Variants in GPC4 observed in about 807,000 individuals in gnomAD.
The protein encoded by GPC4 is glypican-4.
A neutral mutation model predicts 35.0 loss-of-function variants in GPC4; 10 were observed. That is an observed-to-expected ratio of 0.29 (90% CI 0.18 to 0.48). The LOEUF (loss-of-function observed/expected upper bound fraction) is 0.48. Ranked by LOEUF, GPC4 falls within the 20% of genes least tolerant of loss-of-function variation. The pLI is 0.99. For missense variants in GPC4, 322 were observed against 451.3 expected, an observed-to-expected ratio of 0.71 and a Z score of 2.60; for synonymous variants, 167 against 170.2, an observed-to-expected ratio of 0.98 and a Z score of 0.15.
chrX:133,317,960 ATGT>A (rs781198279), intron 3 of GPC4, among the ~76,000 whole-genome samples: 3 of 112,392 alleles, frequency 2.7e-5, no homozygotes, highest in Non-Finnish European at 5.6e-5. Context: ...ATTTCTGGAG[ATGT>A]TGTAGATAAA....
chrX:133,361,298 G>A (rs1194424527), intron 1 of GPC4, among the ~76,000 whole-genome samples: 1 of 112,153 alleles, frequency 8.9e-6, no homozygotes, highest in Non-Finnish European at 1.9e-5. Context: ...TACGCTACCA[G>A]AAAACTGACC....
Position 133,403,711 on chromosome X carries a change from T to G in GPC4, c.160+11095A>C, listed in dbSNP as rs59380950. The stretch of plus-strand genomic sequence containing the variant: ...GGGCACATAGAGCTGCCTTTTTTTT[T>G]TTTTGACAGAGTCTCACTCTGTCGC... On this transcript the variant is annotated intron_variant, in intron 1 of 8. Transcript: ENST00000370828. 9.4e-3 allele frequency among the ~76,000 whole-genome samples: 1,023 copies of G among 109,245 alleles called. 17 individuals are homozygous for G. The highest frequency in any genetic ancestry group is 0.032 in the African/African-American group (974 of 29,970). The allele number at this position is 109,245 out of a possible 115,157, so 94.9% of individuals were successfully genotyped here.
In GPC4 at chrX:133,414,973, G is replaced by A; in HGVS notation, c.-8C>T. ...CAAGCCGAACCGTGCCATGGTGCGG[G>A]CCGGGGCGGACGCGTTCCCACCTTT... is the stretch of plus-strand genomic sequence containing the variant. On this transcript the variant is annotated 5_prime_UTR_variant, in exon 1 of 9. Transcript: ENST00000370828. 2 of 1,205,959 alleles carry A rather than the reference G, an allele frequency of 1.7e-6. No individual in the cohort carries two copies. Among genetic ancestry groups the A allele is most frequent in the Middle Eastern group, 2.5e-4 (1 of 4,055 alleles).
At chrX:133,313,536 A>T (rs886466295) in intron 3 of GPC4, among the ~76,000 whole-genome samples, 2 of 111,899 alleles carry the variant, frequency 1.8e-5, no homozygotes, top group East Asian at 5.7e-4. Flanking sequence ...TTAAAGTCAC[A>T]GATTGTTAAG....
chrX:133,339,427 C>T, intron 1 of GPC4, 86 bp from the exon 2 acceptor site: 1 of 879,519 alleles, frequency 1.1e-6, no homozygotes, highest in Non-Finnish European at 1.6e-6. Context: ...TCATTTCAAC[C>T]TGTGAGGCTC....
chrX:133,379,399 C>T (rs1328998792), intron 1 of GPC4, among the ~76,000 whole-genome samples: 1 of 111,776 alleles, frequency 8.9e-6, no homozygotes, highest in Non-Finnish European at 1.9e-5. Context: ...TTAGTGGTTG[C>T]CAGGGGCTGG....
chrX:133,389,148 A>G (rs2068707721), intron 1 of GPC4, among the ~76,000 whole-genome samples: 1 of 108,780 alleles, frequency 9.2e-6, no homozygotes. Flanking sequence ...CAGTAGAGAC[A>G]GGGTTTCATG....
chrX:133,305,784 A>G lies in GPC4; in HGVS notation c.1143T>C (p.Ser381=). ...CCAAAACGCTCACCAGTCGGTCCAA[A>G]CTAGTGCCAGCTGCTGTGGTTGGGC... ...EERPTTAAGT[S]LDRLVTDVKE... Residue 381 remains serine (S), a synonymous_variant, in exon 6 of 9, where the codon AGT becomes AGC. Transcript: ENST00000370828. The G allele has an allele frequency of 8.3e-7, 1 of 1,211,636 alleles. No individual in the cohort carries two copies. Among genetic ancestry groups the G allele is most frequent in the Non-Finnish European group, 1.1e-6 (1 of 895,515 alleles).
At chrX:133,318,402 G>A (rs1436714450) in intron 3 of GPC4, among the ~76,000 whole-genome samples, 1 of 112,092 alleles carries the variant, frequency 8.9e-6, no homozygotes, top group African/African-American at 3.2e-5. Flanking sequence ...ACACGGGGAA[G>A]GCACAACTGC....
intron 1 of GPC4, among the ~76,000 whole-genome samples, chrX:133,411,320 C>T (rs2068812107): frequency 8.9e-6 from 1 of 112,227 alleles, no homozygotes; most frequent in Admixed American, 9.5e-5. Context: ...ATGCTTCTAA[C>T]CCACTGCCTC....
chrX:133,393,554 A>C (rs2068729729), intron 1 of GPC4, among the ~76,000 whole-genome samples: 1 of 110,210 alleles, frequency 9.1e-6, no homozygotes, highest in Non-Finnish European at 1.9e-5. Context: ...TCAACTTCGT[A>C]TTTCCTTCCC....
intron 1 of GPC4, among the ~76,000 whole-genome samples, chrX:133,360,221 T>C (rs1249315147): frequency 9.0e-6 from 1 of 111,656 alleles, no homozygotes; most frequent in African/African-American, 3.3e-5. Flanking sequence ...TGCATTGTCA[T>C]TGAATCTTAA....
intron 3 of GPC4, among the ~76,000 whole-genome samples, chrX:133,312,093 C>A: frequency 9.0e-6 from 1 of 111,196 alleles, no homozygotes; most frequent in Non-Finnish European, 1.9e-5. Flanking sequence ...AGAGTGTTCA[C>A]AGAACACTTG....
chrX:133,345,833 C>G (rs1409053147), intron 1 of GPC4, among the ~76,000 whole-genome samples: 2 of 111,936 alleles, frequency 1.8e-5, no homozygotes, highest in Non-Finnish European at 3.8e-5. Context: ...GTCTTGACTG[C>G]AAGTTGTCCA....
At chrX:133,380,612 G>T (rs906830557) in intron 1 of GPC4, among the ~76,000 whole-genome samples, 3 of 111,395 alleles carry the variant, frequency 2.7e-5, no homozygotes. Flanking sequence ...TTTTGTTGTT[G>T]TTGTTGAAAC....
intron 6 of GPC4, among the ~76,000 whole-genome samples, chrX:133,305,561 A>G (rs2068286903): frequency 8.9e-6 from 1 of 112,032 alleles, no homozygotes; most frequent in Non-Finnish European, 1.9e-5. Context: ...ATTTTGAGAC[A>G]AGACTTATTG....
In GPC4 at chrX:133,311,282, C is replaced by A; in HGVS notation, c.853G>T (p.Asp285Tyr). The change falls in exon 4 of 9, where the codon GAT becomes TAT. Residue 285 changes from aspartate (D) to tyrosine (Y), a missense_variant. Asp to Tyr is a radical substitution (Grantham distance 160). Coordinates refer to ENST00000370828, the MANE Select transcript of GPC4 (RefSeq NM_001448.3). ...RGCLANQGDL[D>Y]FEWNNFIDAM... Reference sequence around the variant, plus strand: ...CCTATGAAATTGTTCCATTCAAAATCGAGATCCCCTTGGTTGGCCAAACAG... The same window carrying A: ...CCTATGAAATTGTTCCATTCAAAATAGAGATCCCCTTGGTTGGCCAAACAG... The A allele has an allele frequency of 8.3e-7, 1 of 1,211,426 alleles. No individual in the cohort carries two copies. Among genetic ancestry groups the A allele is most frequent in the Non-Finnish European group, 1.1e-6 (1 of 895,323 alleles).
At chrX:133,371,874 G>C (rs1276948256) in intron 1 of GPC4, among the ~76,000 whole-genome samples, 1 of 111,178 alleles carries the variant, frequency 9.0e-6, no homozygotes, top group Non-Finnish European at 1.9e-5. Flanking sequence ...TGATTTCATT[G>C]AAATGAGTGC....
chrX:133,361,549 T>C (rs766737487), intron 1 of GPC4, among the ~76,000 whole-genome samples: 18 of 106,252 alleles, frequency 1.7e-4, no homozygotes, highest in Non-Finnish European at 2.3e-4. Context: ...ATGGAGGAAA[T>C]AGATCCAAAA....
Sources: gnomAD v4.1 joint callset for allele counts (sites outside exome capture counted in the v4.1 genomes callset) on GRCh38, gnomAD v4.1.1 for gene constraint, MANE v1.5 for transcripts, NCBI Gene and HGNC (gene_info 2026-07-23, HGNC 2026-07-21) for gene names.